The following PUM2 variants were observed in gnomAD, a reference collection of about 807,000 sequenced individuals.
The protein encoded by PUM2 is pumilio RNA binding family member 2.
PUM2 carries 57 observed loss-of-function variants against 124.5 expected under a neutral mutation model. The observed-to-expected ratio is 0.46, with a 90% CI of 0.37 to 0.57. The LOEUF is 0.57. Among genes scored for constraint, PUM2 ranks in the 20% least tolerant of loss-of-function variants. The probability of loss-of-function intolerance (pLI) is 0.00; values close to 1 mark genes in which losing one functional copy is unlikely to be tolerated. For missense variants in PUM2, 1,065 were observed against 1,290.6 expected (o/e 0.83, Z 2.68); for synonymous variants, 460 against 446.1 (o/e 1.03, Z -0.39).
In PUM2 at chr2:20,337,282, T is replaced by C. The variant is rs62124597; in HGVS notation, c.-18-9904A>G. Among the ~76,000 whole-genome samples the C allele has an allele frequency of 4.7e-3, 718 of 152,302 alleles. 2 individuals are homozygous for C. The highest frequency in any genetic ancestry group is 0.02 in the Middle Eastern group (6 of 294). ...TATTAGATAACAGTAAGGAATTCTATTAGTTATGATACTAGCAAGAGGATT... is the reference window on the plus strand; with the variant it reads ...TATTAGATAACAGTAAGGAATTCTACTAGTTATGATACTAGCAAGAGGATT... On this transcript the variant is annotated intron_variant, in intron 1 of 20. Transcript: ENST00000361078.
rs111629075 is a variant in PUM2 at position 20,294,321 on chromosome 2, G to A, written c.1152+55C>T. The A allele has an allele frequency of 6.3e-6, 10 of 1,579,152 alleles. No individual in the cohort carries two copies. The African/African-American group carries it at 8.1e-5, about 13-fold the overall frequency. On this transcript the variant is annotated intron_variant, in intron 9 of 20. Transcript: ENST00000361078. ...GAAAAACACAAATCTTAAACATTAG[G>A]AGCTCAAAGAATTTCAAAGAATACT... is the stretch of plus-strand genomic sequence containing the variant.
chr2:20,329,419 G>A (rs543176822), intron 1 of PUM2, among the ~76,000 whole-genome samples: 18 of 140,272 alleles, frequency 1.3e-4, no homozygotes, highest in Admixed American at 8.0e-4. Context: ...GTAATAGAAC[G>A]AGAGCCCCCT....
chr2:20,301,575 G>T (rs1676983633), intron 7 of PUM2, among the ~76,000 whole-genome samples: 1 of 151,966 alleles, frequency 6.6e-6, no homozygotes, highest in Non-Finnish European at 1.5e-5. Flanking sequence ...TCTGTCTACA[G>T]ATACAAACCT....
intron 1 of PUM2, among the ~76,000 whole-genome samples, chr2:20,336,706 T>TGTGTGA (rs1238080782): frequency 6.8e-6 from 1 of 147,534 alleles, no homozygotes; most frequent in Non-Finnish European, 1.5e-5. Flanking sequence ...TGTGTGTGTG[T>TGTGTGA]GTGTGTTACA....
intron 15 of PUM2, among the ~76,000 whole-genome samples, chr2:20,258,824 C>T (rs1310371859): frequency 1.3e-5 from 2 of 151,152 alleles, no homozygotes; most frequent in Admixed American, 6.6e-5. Context: ...CCCGCCACCG[C>T]GCCCGGCTAA....
At chr2:20,260,676 G>C (rs1270982398) in intron 14 of PUM2, among the ~76,000 whole-genome samples, 3 of 152,060 alleles carry the variant, frequency 2.0e-5, no homozygotes, top group Non-Finnish European at 4.4e-5. Context: ...AAAAAACCTG[G>C]ATATAAAGAT....
chr2:20,308,385 G>A lies in PUM2; in HGVS notation c.718C>T (p.Pro240Ser). 2 of 1,614,012 alleles carry A rather than the reference G, an allele frequency of 1.2e-6. No homozygotes were observed. The highest frequency in any genetic ancestry group is 2.2e-5 in the East Asian group (1 of 44,868). ...GAGTCCATTGGTACCTGATTACCAG[G>A]ATAGTCAAACTGTAAGGATTCCAGA... The part of the protein sequence containing the change: ...VGLESLQFDY[P>S]GNQVPMDSSG... The change falls in exon 6 of 21, where the codon CCT (proline) becomes TCT (serine). Residue 240 changes from proline (P) to serine (S), a missense_variant. By Grantham distance (74) the Pro-to-Ser change is moderately conservative (BLOSUM62 -1). Coordinates refer to ENST00000361078, the MANE Select transcript of PUM2 (RefSeq NM_015317.5).
chr2:20,312,068 T>C (rs770137738), intron 4 of PUM2, among the ~76,000 whole-genome samples, 168 bp downstream of exon 4: 1 of 152,192 alleles, frequency 6.6e-6, no homozygotes, highest in Non-Finnish European at 1.5e-5. Flanking sequence ...AATGGTTCTA[T>C]CATTTCACGT....
intron 20 of PUM2, among the ~76,000 whole-genome samples, chr2:20,252,787 A>G (rs1340125016): frequency 6.6e-6 from 1 of 152,218 alleles, no homozygotes; most frequent in Non-Finnish European, 1.5e-5. Context: ...TTAGGTTAAA[A>G]TCAATGTTCA....
intron 1 of PUM2, chr2:20,350,385 G>A (rs889246535): frequency 5.1e-6 from 4 of 790,766 alleles, no homozygotes; most frequent in Non-Finnish European, 4.6e-6. Context: ...CCGGCGCGGC[G>A]CCCCCTCCCC....
chr2:20,297,738 G>A, intron 7 of PUM2, 60 bp from the exon 8 acceptor site: 3 of 1,403,936 alleles, frequency 2.1e-6, no homozygotes, highest in Non-Finnish European at 2.9e-6. Flanking sequence ...TTTTTCATTA[G>A]ATAAAAACAT....
intron 13 of PUM2, among the ~76,000 whole-genome samples, chr2:20,265,457 G>A (rs55747711): frequency 0.035 from 5,281 of 152,148 alleles, 122 homozygotes; most frequent in Non-Finnish European, 0.054. Flanking sequence ...CTAACTGTTC[G>A]TAACAATAAT....
At chr2:20,305,530 C>T (rs1678043506) in intron 7 of PUM2, among the ~76,000 whole-genome samples, 1 of 142,360 alleles carries the variant, frequency 7.0e-6, no homozygotes, top group Non-Finnish European at 1.5e-5. Context: ...AATGCTGACA[C>T]TAAAAAACGT....
At chr2:20,318,420 C>T (rs925269894) in intron 3 of PUM2, 117 bp downstream of exon 3, 11 of 830,084 alleles carry the variant, frequency 1.3e-5, no homozygotes, top group Admixed American at 2.6e-5. Flanking sequence ...TGGGCAATAG[C>T]GCAAAACTAT....
chr2:20,278,642 T>C lies in PUM2; in HGVS notation c.1898A>G (p.His633Arg). The change falls in exon 13 of 21, where the codon CAT (histidine) becomes CGT (arginine). Residue 633 changes from histidine to arginine, a missense_variant. Physicochemically the swap from His to Arg is conservative, Grantham distance 29. Coordinates refer to ENST00000361078, the MANE Select transcript of PUM2 (RefSeq NM_015317.5). ...GMPLPSQTPG[H>R]SLTPPPSLSS... ...AAGTGATGGCGGTGGCGTAAGTGAA[T>C]GTCCTGGAGTTTGGCTTGGCAGAGG... The C allele has an allele frequency of 6.2e-7, 1 of 1,613,548 alleles. No individual in the cohort carries two copies. The highest frequency in any genetic ancestry group is 8.5e-7 in the Non-Finnish European group (1 of 1,179,678).
rs1674980514 is a variant in PUM2, at chr2:20,294,361, A to G, written c.1152+15T>C. 2 of 1,611,942 alleles carry G rather than the reference A, an allele frequency of 1.2e-6. No homozygotes were observed. The highest frequency in any genetic ancestry group is 4.5e-5 in the East Asian group (2 of 44,878). ...CAAAGAATACTTGGTATTACTTAAT[A>G]GAAGGAAGGCCTACCTGTTGCTGTC... On this transcript the variant is annotated intron_variant, in intron 9 of 20. Coordinates refer to ENST00000361078, the MANE Select transcript of PUM2 (RefSeq NM_015317.5).
At chr2:20,317,374 A>AG (rs1681216703) in intron 3 of PUM2, among the ~76,000 whole-genome samples, 1 of 152,158 alleles carries the variant, frequency 6.6e-6, no homozygotes, top group East Asian at 1.9e-4. Flanking sequence ...CCTTTCTGGG[A>AG]GCTCTATCTT....
rs565344701 is a variant in PUM2 at position 20,330,333 on chromosome 2, G to GT, written c.-18-2956dup. Reference sequence around the variant, plus strand: ...TCCTAAAACCCCTGGAATCACTGGAGTGATGAGTGTCTTCTGCATGCTAAT... The same window carrying GT: ...TCCTAAAACCCCTGGAATCACTGGAGTTGATGAGTGTCTTCTGCATGCTAAT... On this transcript the variant is annotated intron_variant, in intron 1 of 20. Transcript: ENST00000361078. 3.3e-4 allele frequency among the ~76,000 whole-genome samples: 51 copies of GT among 152,342 alleles called. No homozygotes were observed. The South Asian group carries it at 9.9e-3, about 30-fold the overall frequency.
intron 9 of PUM2, among the ~76,000 whole-genome samples, chr2:20,293,529 T>C (rs2148219995): frequency 6.6e-6 from 1 of 152,152 alleles, no homozygotes; most frequent in African/African-American, 2.4e-5. Flanking sequence ...GCCAACATGG[T>C]GAAACCCCGT....
Sources: gnomAD v4.1 joint callset for allele counts (sites outside exome capture counted in the v4.1 genomes callset) on GRCh38, gnomAD v4.1.1 for gene constraint, MANE v1.5 for transcripts, NCBI Gene and HGNC (gene_info 2026-07-23, HGNC 2026-07-21) for gene names.